CAMTA1: variants seen among roughly 807,000 people sequenced by gnomAD.
CAMTA1 encodes the protein calmodulin-binding transcription activator 1.
Under a neutral mutation model 170.9 loss-of-function variants are expected in CAMTA1, and 27 were observed. That is an observed-to-expected ratio of 0.16 (90% CI 0.12 to 0.22). The LOEUF is 0.22. Among genes scored for constraint, CAMTA1 ranks in the 10% least tolerant of loss-of-function variants. The pLI, the probability that CAMTA1 is intolerant of heterozygous loss-of-function variation, is 1.00. For missense variants in CAMTA1, 1,619 were observed against 2,217.2 expected, an observed-to-expected ratio of 0.73 and a Z score of 5.42; for synonymous variants, 833 against 891.5, an observed-to-expected ratio of 0.93 and a Z score of 1.17.
rs1040882504 is a variant in CAMTA1 at position 6,806,981 on chromosome 1, A to T, written c.46-13200A>T. 1.2e-5 allele frequency: 7 copies of T among 589,672 alleles called. No homozygotes were observed. In the African/African-American group the frequency reaches 1.3e-4, roughly 11 times the overall value. 36.5% of individuals were successfully genotyped at this position (589,672 alleles called of 1,614,324 possible). A position where few individuals can be genotyped will look rare whatever the true frequency, so the allele number is the denominator to read the frequency against. On this transcript the variant is annotated intron_variant, in intron 1 of 22. Transcript: ENST00000303635. ...AAATAACAAAGTGCCTATCTGTGCC[A>T]GGCACAAGGAAGGACAGACCCAGTC...
At chr1:7,468,091 C>G (rs2093254638) in intron 6 of CAMTA1, among the ~76,000 whole-genome samples, 190 bp downstream of exon 6, 1 of 152,176 alleles carries the variant, frequency 6.6e-6, no homozygotes, top group Non-Finnish European at 1.5e-5. Flanking sequence ...TGTCATGTGT[C>G]AGGAAGGGGA....
Position 6,845,700 on chromosome 1 carries a change from A to G in CAMTA1, c.234+20490A>G, listed in dbSNP as rs369748467. 4.6e-5 allele frequency among the ~76,000 whole-genome samples: 7 copies of G among 152,364 alleles called. No homozygotes were observed. In the East Asian group the frequency reaches 5.8e-4, roughly 13 times the overall value. ...AATTGCTTCTTAGCAGGTTGTATCT[A>G]TGTTACTCTACACTGCTATTCTTTG... On this transcript the variant is annotated intron_variant, in intron 3 of 22. Transcript: ENST00000303635.
At chr1:7,515,626 C>T (rs1198332331) in intron 6 of CAMTA1, among the ~76,000 whole-genome samples, 1 of 152,144 alleles carries the variant, frequency 6.6e-6, no homozygotes, top group African/African-American at 2.4e-5. Context: ...CTATTCCACC[C>T]CCCGGGCAGC....
At position 7,173,866 on chromosome 1, in the gene CAMTA1, A is replaced by C. The variant is rs1650187935; in HGVS notation, c.303-75625A>C. ...AACTTAGCAGAACCCAAAAAGGCCC[A>C]GTGGAACCCAGGGGACCCACAGGGA... is the stretch of plus-strand genomic sequence containing the variant. On this transcript the variant is annotated intron_variant, in intron 4 of 22. Transcript: ENST00000303635. The surrounding 1 kb of genome is among the most constrained non-coding windows in gnomAD (Gnocchi z 5.4). Among the ~76,000 whole-genome samples the C allele has an allele frequency of 6.6e-6, 1 of 152,100 alleles. No homozygotes were observed. Among genetic ancestry groups the C allele is most frequent in the African/African-American group, 2.4e-5 (1 of 41,408 alleles).
intron 3 of CAMTA1, among the ~76,000 whole-genome samples, chr1:6,894,255 C>T (rs538978214): frequency 4.7e-4 from 71 of 152,290 alleles, no homozygotes; most frequent in Non-Finnish European, 9.0e-4. Context: ...ACTGTGAAAG[C>T]GAAGTTGCTG....
chr1:7,031,460 T>C (rs1702786714), intron 3 of CAMTA1, among the ~76,000 whole-genome samples: 1 of 152,230 alleles, frequency 6.6e-6, no homozygotes, highest in South Asian at 2.1e-4. Flanking sequence ...TAGTTTTAAC[T>C]TATTTTTGTC....
chr1:7,491,312 C>T (rs2093699731), intron 6 of CAMTA1, among the ~76,000 whole-genome samples: 3 of 152,130 alleles, frequency 2.0e-5, no homozygotes, highest in Admixed American at 6.5e-5. Context: ...TACTTAAGGA[C>T]GGGCACGGGT....
At chr1:7,473,021 G>T (rs2093360318) in intron 6 of CAMTA1, among the ~76,000 whole-genome samples, 1 of 152,210 alleles carries the variant, frequency 6.6e-6, no homozygotes, top group Admixed American at 6.5e-5. Context: ...CAGGATCCAG[G>T]CTTCCCCACA....
chr1:6,928,082 A>G (rs1335886100), intron 3 of CAMTA1, among the ~76,000 whole-genome samples: 3 of 152,184 alleles, frequency 2.0e-5, no homozygotes, highest in South Asian at 4.1e-4. Flanking sequence ...CATCAGCCTC[A>G]GGACCCAGCC....
At chr1:7,024,153 C>T (rs766828706) in intron 3 of CAMTA1, among the ~76,000 whole-genome samples, 4 of 151,978 alleles carry the variant, frequency 2.6e-5, no homozygotes, top group Admixed American at 2.0e-4. Flanking sequence ...CATGAAGGTC[C>T]AGCACATATC....
intron 6 of CAMTA1, among the ~76,000 whole-genome samples, chr1:7,575,869 T>G (rs1232482938): frequency 6.6e-6 from 1 of 152,166 alleles, no homozygotes; most frequent in Non-Finnish European, 1.5e-5. Flanking sequence ...GCAAGGCCAT[T>G]CTCAGTGATT....
chr1:6,898,002 A>G (rs1428953516), intron 3 of CAMTA1, among the ~76,000 whole-genome samples: 1 of 152,204 alleles, frequency 6.6e-6, no homozygotes, highest in Non-Finnish European at 1.5e-5. Flanking sequence ...CACTGTGTTT[A>G]GTGGTATCTG....
chr1:7,287,620 A>T (rs1173408304), intron 5 of CAMTA1, among the ~76,000 whole-genome samples: 2 of 151,620 alleles, frequency 1.3e-5, no homozygotes, highest in African/African-American at 4.9e-5. Context: ...ATATTTTTAC[A>T]TGTTGTATTG....
At chr1:7,600,448 G>A (rs2095431226) in intron 6 of CAMTA1, among the ~76,000 whole-genome samples, 1 of 151,612 alleles carries the variant, frequency 6.6e-6, no homozygotes, top group African/African-American at 2.4e-5. Flanking sequence ...GATAACGCTG[G>A]CCTCATAAAA....
At chr1:6,962,201 C>T (rs1690551577) in intron 3 of CAMTA1, among the ~76,000 whole-genome samples, 1 of 152,224 alleles carries the variant, frequency 6.6e-6, no homozygotes, top group Non-Finnish European at 1.5e-5. Flanking sequence ...CGACAAGGCA[C>T]GCAGGTCTCA....
intron 3 of CAMTA1, among the ~76,000 whole-genome samples, chr1:6,917,853 G>A (rs1008542264): frequency 1.3e-5 from 2 of 148,170 alleles, no homozygotes; most frequent in Admixed American, 6.8e-5. Context: ...ATCGGGGGCG[G>A]GGGGGGACAT....
In CAMTA1 at chr1:7,067,741, AC is replaced by A. The variant is rs1709147108; in HGVS notation, c.235-23562del. Among the ~76,000 whole-genome samples the A allele has an allele frequency of 6.6e-6, 1 of 152,090 alleles. No homozygotes were observed. Among genetic ancestry groups the A allele is most frequent in the South Asian group, 2.1e-4 (1 of 4,824 alleles). On this transcript the variant is annotated intron_variant, in intron 3 of 22. Coordinates refer to ENST00000303635, the MANE Select transcript of CAMTA1 (RefSeq NM_015215.4). This position sits in a 1 kb window ranked among gnomAD's most constrained non-coding sequence, Gnocchi z 4.3. ...CTTATTTCTTGCCGACAGGACCTTG[AC>A]TGTGTTCAGGTGTCAGTGGCCAAAT... is the stretch of plus-strand genomic sequence containing the variant.
At position 7,490,929 on chromosome 1, in the gene CAMTA1, G is replaced by A. The variant is rs141090501; in HGVS notation, c.510+23028G>A. 3.9e-5 allele frequency among the ~76,000 whole-genome samples: 6 copies of A among 152,264 alleles called. No homozygotes were observed. The East Asian group carries it at 9.7e-4, about 25-fold the overall frequency. ...AAAGCAGTTTAGGACTTCTGGCTTC[G>A]GTAGCAAAGATATTTCCTTCTGTGC... On this transcript the variant is annotated intron_variant, in intron 6 of 22. Transcript: ENST00000303635.
intron 3 of CAMTA1, among the ~76,000 whole-genome samples, chr1:6,935,226 C>T (rs1268142964): frequency 6.6e-6 from 1 of 152,102 alleles, no homozygotes; most frequent in Non-Finnish European, 1.5e-5. Context: ...ATTATGAAAC[C>T]AATCAGCTGT....
Sources: allele counts gnomAD v4.1 joint callset (sites outside exome capture counted in the v4.1 genomes callset), GRCh38; gene constraint gnomAD v4.1.1; non-coding constraint Gnocchi (gnomAD v3.1); transcripts MANE v1.5; gene names NCBI Gene and HGNC (gene_info 2026-07-23, HGNC 2026-07-21).